Variants in ZBTB7C observed in about 807,000 individuals in gnomAD.
ZBTB7C encodes the protein zinc finger and BTB domain containing 7C.
ZBTB7C carries 8 observed loss-of-function variants against 25.7 expected under a neutral mutation model. The ratio of observed to expected loss-of-function variants is 0.31; its 90% CI spans 0.18 to 0.56. ZBTB7C has a LOEUF of 0.56. Ranked by LOEUF, ZBTB7C falls within the 20% of genes least tolerant of loss-of-function variation. The pLI, the probability that ZBTB7C is intolerant of heterozygous loss-of-function variation, is 0.91. For missense variants in ZBTB7C, 824 were observed against 855.2 expected (o/e 0.96, Z 0.46); for synonymous variants, 394 against 369.0 (o/e 1.07, Z -0.78).
intron 2 of ZBTB7C, among the ~76,000 whole-genome samples, chr18:48,298,898 G>A (rs1477063907): frequency 2.0e-5 from 3 of 152,350 alleles, no homozygotes; most frequent in South Asian, 2.1e-4. Context: ...CAGGGCATGT[G>A]TGCATCACAT....
At chr18:48,245,728 C>T (rs562766928) in intron 2 of ZBTB7C, among the ~76,000 whole-genome samples, 1 of 152,168 alleles carries the variant, frequency 6.6e-6, no homozygotes, top group African/African-American at 2.4e-5. Flanking sequence ...TCCTAGAATG[C>T]TAGAGCCGGT....
intron 2 of ZBTB7C, among the ~76,000 whole-genome samples, chr18:48,288,755 A>T (rs964307825): frequency 1.3e-5 from 2 of 152,214 alleles, no homozygotes; most frequent in African/African-American, 4.8e-5. Context: ...CTGTCTCTGA[A>T]CCAGAAAGCC....
At chr18:48,334,544 T>A (rs777365770) in intron 2 of ZBTB7C, among the ~76,000 whole-genome samples, 6 of 152,150 alleles carry the variant, frequency 3.9e-5, no homozygotes, top group Non-Finnish European at 8.8e-5. Flanking sequence ...TCACATACAC[T>A]ATCTCATTTG....
At chr18:48,030,268 G>A (rs998396979) in intron 4 of ZBTB7C, among the ~76,000 whole-genome samples, 7 of 152,210 alleles carry the variant, frequency 4.6e-5, no homozygotes, top group Admixed American at 4.6e-4. Flanking sequence ...CTCGGATAGT[G>A]CAGCGACTTC....
At chr18:48,129,750 C>A (rs147507452) in intron 3 of ZBTB7C, among the ~76,000 whole-genome samples, 221 of 152,310 alleles carry the variant, frequency 1.5e-3, no homozygotes, top group Middle Eastern at 0.01. Context: ...AGAAATGCAA[C>A]CCTTGGTCCC....
At chr18:48,118,052 C>A (rs1436632030) in intron 3 of ZBTB7C, among the ~76,000 whole-genome samples, 2 of 145,302 alleles carry the variant, frequency 1.4e-5, no homozygotes, top group African/African-American at 2.6e-5. Context: ...GTTGCCCGGG[C>A]TGGAGTGCAG....
At chr18:48,243,262 C>A (rs2043579239) in intron 2 of ZBTB7C, among the ~76,000 whole-genome samples, 1 of 109,736 alleles carries the variant, frequency 9.1e-6, no homozygotes, top group South Asian at 3.8e-4. Flanking sequence ...AGACTCTCTA[C>A]CCCCCCACAA....
chr18:48,078,753 T>G (rs1234924304), intron 3 of ZBTB7C, among the ~76,000 whole-genome samples: 1 of 152,206 alleles, frequency 6.6e-6, no homozygotes, highest in African/African-American at 2.4e-5. Context: ...TTCAAGTTAA[T>G]GATGGACTTT....
chr18:48,299,537 C>T (rs1239488030), intron 2 of ZBTB7C, among the ~76,000 whole-genome samples: 1 of 152,222 alleles, frequency 6.6e-6, no homozygotes, highest in African/African-American at 2.4e-5. Context: ...CATAACTCAA[C>T]CTGGTTCTTG....
intron 3 of ZBTB7C, among the ~76,000 whole-genome samples, chr18:48,099,542 T>C (rs1271861107): frequency 3.3e-5 from 5 of 152,188 alleles, no homozygotes; most frequent in African/African-American, 4.8e-5. Context: ...ATGCATACCT[T>C]TGGAACCTCC....
chr18:48,052,741 T>C (rs1223475980), intron 3 of ZBTB7C, among the ~76,000 whole-genome samples: 1 of 152,222 alleles, frequency 6.6e-6, no homozygotes, highest in East Asian at 1.9e-4. Flanking sequence ...AACTGCTTCA[T>C]GTGACCTTGA....
In ZBTB7C at chr18:48,040,531, C is replaced by A. The variant is rs1030794231; in HGVS notation, c.577G>T (p.Asp193Tyr). ...ISCHQSPSKT[D>Y]HLTEKAYSDT... is the part of the protein sequence containing the mutation. ...GAATAGGCCTTCTCTGTGAGATGGT[C>A]TGTCTTGGAAGGGCTTTGGTGGCAG... The change falls in exon 4 of 5, where the codon GAC (aspartate) becomes TAC (tyrosine). Residue 193 changes from aspartate to tyrosine, a missense_variant. Asp to Tyr is a radical substitution (Grantham distance 160). Coordinates refer to ENST00000590800, the MANE Select transcript of ZBTB7C (RefSeq NM_001318841.2). 6.2e-7 allele frequency: 1 copy of A among 1,614,010 alleles called. No homozygotes were observed.
rs1310155460 is a variant in ZBTB7C, at chr18:48,292,198, A to G, written c.-79+45976T>C. Among the ~76,000 whole-genome samples, 9 of 120,684 alleles carry G rather than the reference A, an allele frequency of 7.5e-5. No homozygotes were observed. The East Asian group carries it at 2.1e-3, about 28-fold the overall frequency. 79.2% of individuals were successfully genotyped at this position (120,684 alleles called of 152,430 possible). On this transcript the variant is annotated intron_variant, in intron 2 of 4. Coordinates refer to ENST00000590800, the MANE Select transcript of ZBTB7C (RefSeq NM_001318841.2). ...GGGTGACAGAGGGAGACTCCATCTC[A>G]AAAAAAAAAAATTGCTACGATCTGT... is the stretch of plus-strand genomic sequence containing the variant.
chr18:48,041,610 A>C, intron 3 of ZBTB7C: 1 of 949,548 alleles, frequency 1.1e-6, no homozygotes, highest in Non-Finnish European at 1.3e-6. Flanking sequence ...TGCACTGGCT[A>C]CTAGGAAGCT....
intron 2 of ZBTB7C, among the ~76,000 whole-genome samples, chr18:48,273,852 G>A (rs2044561826): frequency 6.6e-6 from 1 of 151,920 alleles, no homozygotes; most frequent in South Asian, 2.1e-4. Context: ...GAAAATATGA[G>A]TGATTTTTTA....
chr18:48,259,276 G>A (rs1179307963), intron 2 of ZBTB7C, among the ~76,000 whole-genome samples: 1 of 125,932 alleles, frequency 7.9e-6, no homozygotes. Flanking sequence ...TGACAAGAGT[G>A]TAAAAGCAAT....
intron 1 of ZBTB7C, among the ~76,000 whole-genome samples, chr18:48,358,440 T>C (rs2047028238): frequency 1.3e-5 from 2 of 152,230 alleles, no homozygotes; most frequent in African/African-American, 4.8e-5. Flanking sequence ...CTCCCTTTGC[T>C]TTCCACCATG....
intron 1 of ZBTB7C, among the ~76,000 whole-genome samples, chr18:48,370,527 G>A (rs932124416): frequency 6.6e-6 from 1 of 152,124 alleles, no homozygotes; most frequent in African/African-American, 2.4e-5. Flanking sequence ...TCCTGGGTGT[G>A]ATATTGTACT....
chr18:48,179,465 G>A (rs2041806419), intron 3 of ZBTB7C, among the ~76,000 whole-genome samples: 1 of 152,136 alleles, frequency 6.6e-6, no homozygotes, highest in African/African-American at 2.4e-5. Flanking sequence ...CCTGGGGGCT[G>A]GGTGGGCTTC....
Sources: gnomAD v4.1 joint callset for allele counts (sites outside exome capture counted in the v4.1 genomes callset) on GRCh38, gnomAD v4.1.1 for gene constraint, MANE v1.5 for transcripts, NCBI Gene and HGNC (gene_info 2026-07-23, HGNC 2026-07-21) for gene names.